The following RIMS1 variants were observed in gnomAD, a reference collection of about 807,000 sequenced individuals.
The protein encoded by RIMS1 is regulating synaptic membrane exocytosis 1.
A neutral mutation model predicts 214.1 loss-of-function variants in RIMS1; 83 were observed. The ratio of observed to expected loss-of-function variants is 0.39; its 90% CI spans 0.32 to 0.47. The LOEUF (loss-of-function observed/expected upper bound fraction) is 0.47, where lower values mean the gene tolerates loss of function less well. Ranked by LOEUF, RIMS1 falls within the 20% of genes least tolerant of loss-of-function variation. RIMS1 has a pLI of 0.99. For synonymous variants in RIMS1, 793 were observed against 786.8 expected (o/e 1.01, Z -0.13); for missense variants, 2,050 against 2,161.8 (o/e 0.95, Z 1.03).
At chr6:72,191,464 A>G (rs2050061562) in intron 6 of RIMS1, among the ~76,000 whole-genome samples, 1 of 152,238 alleles carries the variant, frequency 6.6e-6, no homozygotes, top group South Asian at 2.1e-4. Flanking sequence ...CTTCATGCTC[A>G]CAGGATCCAA....
intron 29 of RIMS1, among the ~76,000 whole-genome samples, chr6:72,378,726 C>A (rs1420781091): frequency 6.6e-6 from 1 of 152,130 alleles, no homozygotes; most frequent in African/African-American, 2.4e-5. Flanking sequence ...ATAATCCCAG[C>A]TATTCAGGAG....
intron 1 of RIMS1, among the ~76,000 whole-genome samples, chr6:71,924,652 A>G (rs1229336963): frequency 2.7e-5 from 4 of 149,146 alleles, no homozygotes; most frequent in Non-Finnish European, 3.0e-5. Context: ...AAAAAAATGC[A>G]GAAAATTAGC....
At chr6:72,297,523 T>A (rs1002885330) in intron 26 of RIMS1, among the ~76,000 whole-genome samples, 2 of 151,998 alleles carry the variant, frequency 1.3e-5, no homozygotes, top group Non-Finnish European at 2.9e-5. Context: ...AAAGTCTGCA[T>A]GAAATATGCA....
At chr6:71,915,947 A>C (rs1365415211) in intron 1 of RIMS1, among the ~76,000 whole-genome samples, 1 of 152,070 alleles carries the variant, frequency 6.6e-6, no homozygotes, top group East Asian at 1.9e-4. Context: ...ATCAGATCTC[A>C]TGAGACTTAT....
At chr6:72,338,626 A>T (rs2096930998) in intron 29 of RIMS1, among the ~76,000 whole-genome samples, 1 of 152,168 alleles carries the variant, frequency 6.6e-6, no homozygotes, top group Admixed American at 6.6e-5. Flanking sequence ...TTTACAAGAA[A>T]AAAACAACCC....
chr6:72,089,774 G>A (rs1255771185), intron 2 of RIMS1, among the ~76,000 whole-genome samples: 1 of 135,762 alleles, frequency 7.4e-6, no homozygotes, highest in African/African-American at 2.5e-5. Context: ...CAACCCAAAT[G>A]TCCAACAATG....
intron 26 of RIMS1, among the ~76,000 whole-genome samples, chr6:72,305,368 C>T (rs1382635376): frequency 2.0e-5 from 3 of 152,048 alleles, no homozygotes; most frequent in Admixed American, 6.6e-5. Context: ...AAGTTAATAT[C>T]ATTTTATGAG....
intron 28 of RIMS1, among the ~76,000 whole-genome samples, chr6:72,331,947 C>G (rs2096673446): frequency 6.6e-6 from 1 of 151,710 alleles, no homozygotes; most frequent in Non-Finnish European, 1.5e-5. Flanking sequence ...AATTCACAAT[C>G]CATGAAGGAT....
intron 28 of RIMS1, among the ~76,000 whole-genome samples, chr6:72,328,827 T>C (rs2096568574): frequency 1.3e-5 from 2 of 151,756 alleles, no homozygotes; most frequent in Admixed American, 1.3e-4. Flanking sequence ...GCAAAAATTC[T>C]ACCAAACTAG....
chr6:72,192,197 T>C (rs1427162374), intron 6 of RIMS1, among the ~76,000 whole-genome samples: 1 of 152,186 alleles, frequency 6.6e-6, no homozygotes, highest in East Asian at 1.9e-4. Flanking sequence ...CTGACCTCCA[T>C]AAGCCCTTAC....
intron 2 of RIMS1, among the ~76,000 whole-genome samples, chr6:72,089,392 G>C (rs1248964580): frequency 6.6e-6 from 1 of 152,078 alleles, no homozygotes; most frequent in Non-Finnish European, 1.5e-5. Context: ...TAGCCATTTG[G>C]ACAGTAGGTT....
chr6:72,381,391 A>G (rs1441718282), intron 29 of RIMS1, among the ~76,000 whole-genome samples: 1 of 152,230 alleles, frequency 6.6e-6, no homozygotes, highest in Non-Finnish European at 1.5e-5. Flanking sequence ...AGAGGGACAT[A>G]ATTTAGCTCC....
chr6:72,395,323 A>G (rs1007924507), intron 31 of RIMS1, among the ~76,000 whole-genome samples: 2 of 152,080 alleles, frequency 1.3e-5, no homozygotes, highest in Non-Finnish European at 2.9e-5. Context: ...CAATCTGTAC[A>G]AAACAAACAA....
chr6:71,886,976 A>T lies in RIMS1; in HGVS notation c.-48A>T. 3 of 1,592,988 alleles carry T rather than the reference A, an allele frequency of 1.9e-6. No homozygotes were observed. The highest frequency in any genetic ancestry group is 2.6e-6 in the Non-Finnish European group (3 of 1,168,754). ...GGCGCAGCTGCTGGGCGTGCATCCG[A>T]AAGGTGAGAGCCAGAGAGCGAGCAG... On this transcript the variant is annotated 5_prime_UTR_variant, in exon 1 of 34. Coordinates refer to ENST00000521978, the MANE Select transcript of RIMS1 (RefSeq NM_014989.7).
chr6:72,304,788 A>C (rs1329771549), intron 26 of RIMS1, among the ~76,000 whole-genome samples: 1 of 151,972 alleles, frequency 6.6e-6, no homozygotes, highest in Non-Finnish European at 1.5e-5. Context: ...AGTGTGTGAT[A>C]TTATGTAATT....
intron 6 of RIMS1, among the ~76,000 whole-genome samples, chr6:72,228,363 T>C (rs375783925): frequency 2.0e-5 from 3 of 152,084 alleles, no homozygotes; most frequent in East Asian, 3.9e-4. Context: ...TTTCCATGAA[T>C]TTGACTATTT....
rs183569295 is a variant in RIMS1, at chr6:72,383,942, G to A, written c.4367-6656G>A. 1.1e-4 allele frequency among the ~76,000 whole-genome samples: 17 copies of A among 152,180 alleles called. 1 individual carries two copies. Among genetic ancestry groups the A allele is most frequent in the Admixed American group, 8.5e-4 (13 of 15,284 alleles). On this transcript the variant is annotated intron_variant, in intron 29 of 33. Coordinates refer to ENST00000521978, the MANE Select transcript of RIMS1 (RefSeq NM_014989.7). Reference sequence around the variant, plus strand: ...TACTTACTTGATACTTTGTTTTTGTGAGTTAACAAACCATTATTGCATTTA... The same window carrying A: ...TACTTACTTGATACTTTGTTTTTGTAAGTTAACAAACCATTATTGCATTTA...
intron 4 of RIMS1, among the ~76,000 whole-genome samples, chr6:72,142,564 G>A (rs1411359438): frequency 2.6e-5 from 4 of 151,940 alleles, no homozygotes; most frequent in Non-Finnish European, 4.4e-5. Flanking sequence ...TTTTATGAGT[G>A]GTCACAGACT....
chr6:72,289,787 A>G (rs2093039465), intron 24 of RIMS1, among the ~76,000 whole-genome samples: 1 of 152,152 alleles, frequency 6.6e-6, no homozygotes, highest in Non-Finnish European at 1.5e-5. Flanking sequence ...ATTGCTTTAA[A>G]AAGGGATGAG....
Sources: gnomAD v4.1 joint callset for allele counts (sites outside exome capture counted in the v4.1 genomes callset) on GRCh38, gnomAD v4.1.1 for gene constraint, MANE v1.5 for transcripts, NCBI Gene and HGNC (gene_info 2026-07-23, HGNC 2026-07-21) for gene names.